Variants in ATP10B observed in about 807,000 individuals in gnomAD.
The protein encoded by ATP10B is phospholipid-transporting ATPase VB.
A neutral mutation model predicts 141.2 loss-of-function variants in ATP10B; 122 were observed. The ratio of observed to expected loss-of-function variants is 0.86; its 90% CI spans 0.75 to 1.00. The LOEUF (loss-of-function observed/expected upper bound fraction) is 1.00. ATP10B is among the 50% of genes least tolerant of loss of function. The probability of loss-of-function intolerance (pLI) is 0.00; values close to 1 mark genes in which losing one functional copy is unlikely to be tolerated. For synonymous variants in ATP10B, 685 were observed against 692.0 expected, an observed-to-expected ratio of 0.99 and a Z score of 0.16; for missense variants, 1,876 against 1,825.3, an observed-to-expected ratio of 1.03 and a Z score of -0.51.
At chr5:160,593,007 C>T (rs1316812372) in intron 22 of ATP10B, among the ~76,000 whole-genome samples, 1 of 152,250 alleles carries the variant, frequency 6.6e-6, no homozygotes, top group East Asian at 1.9e-4. Context: ...AACAAAAAGA[C>T]AGCAGTAACC....
chr5:160,730,979 T>C (rs1766696649), intron 2 of ATP10B, among the ~76,000 whole-genome samples: 1 of 152,214 alleles, frequency 6.6e-6, no homozygotes. Flanking sequence ...TCAGCCATTC[T>C]CTGGGTTCTC....
At chr5:160,761,382 AG>A (rs1769024055) in intron 2 of ATP10B, among the ~76,000 whole-genome samples, 3 of 145,570 alleles carry the variant, frequency 2.1e-5, no homozygotes, top group Non-Finnish European at 4.5e-5. Flanking sequence ...GACTCTTTGT[AG>A]ACATTCGCCA....
At position 160,620,956 on chromosome 5, in the gene ATP10B, G is replaced by A. The variant is rs746067222; in HGVS notation, c.1813-6C>T. 1.2e-6 allele frequency: 2 copies of A among 1,601,950 alleles called. No homozygotes were observed. The highest frequency in any genetic ancestry group is 3.4e-5 in the Admixed American group (2 of 58,334). On this transcript the variant is annotated splice_region_variant and splice_polypyrimidine_tract_variant and intron_variant, in intron 14 of 25. Coordinates refer to ENST00000327245, the MANE Select transcript of ATP10B (RefSeq NM_025153.3). Reference sequence around the variant, plus strand: ...CTTGAGGGTTTGATGGTGACCTTGTGGCCAAAGAAGGAAAGTGGAATATTA... The same window carrying A: ...CTTGAGGGTTTGATGGTGACCTTGTAGCCAAAGAAGGAAAGTGGAATATTA...
At chr5:160,918,504 C>T in the ATP10B span, among the ~76,000 whole-genome samples, 1 of 152,134 alleles carries the variant, frequency 6.6e-6, no homozygotes, top group Non-Finnish European at 1.5e-5. Flanking sequence ...TGATATTCAC[C>T]ATGATATTCA....
rs975652246 is a variant in ATP10B, at chr5:160,563,522, A to G, written c.*1931T>C. The G allele has an allele frequency of 2.0e-5, 3 of 152,188 alleles. No individual in the cohort carries two copies. The highest frequency in any genetic ancestry group is 7.2e-5 in the African/African-American group (3 of 41,458). The allele number at this position is 152,188 out of a possible 1,614,324, so 9.4% of individuals were successfully genotyped here. The stretch of plus-strand genomic sequence containing the variant: ...TTTTCCCTTTAGCTGTGAAATAAAA[A>G]TCCCTTTTGTTATTACTGAGGGTGT... On this transcript the variant is annotated 3_prime_UTR_variant, in exon 26 of 26. Coordinates refer to ENST00000327245, the MANE Select transcript of ATP10B (RefSeq NM_025153.3).
intron 6 of ATP10B, 24 bp downstream of exon 6, chr5:160,686,055 G>C (rs1271940707): frequency 6.6e-7 from 1 of 1,519,596 alleles, no homozygotes; most frequent in East Asian, 2.3e-5. Context: ...TTGCAAGAGA[G>C]AACACAGGGA....
chr5:160,652,889 T>TTATATAATATATAATATATTGTA (rs1431515865), intron 7 of ATP10B, among the ~76,000 whole-genome samples: 2 of 32,408 alleles, frequency 6.2e-5, no homozygotes, highest in African/African-American at 2.6e-4. Context: ...ATATATATAA[T>TTATATAATATATAATATATTGTA]TATATAATAT....
intron 2 of ATP10B, among the ~76,000 whole-genome samples, chr5:160,732,340 G>A (rs1766807096): frequency 6.6e-6 from 1 of 152,198 alleles, no homozygotes; most frequent in Non-Finnish European, 1.5e-5. Context: ...TTTGTTGGTT[G>A]TGCTTTTGAA....
At chr5:160,624,741 C>A (rs982309002) in intron 13 of ATP10B, among the ~76,000 whole-genome samples, 1 of 152,140 alleles carries the variant, frequency 6.6e-6, no homozygotes, top group Non-Finnish European at 1.5e-5. Flanking sequence ...AAATGAATCC[C>A]GACTTAACTA....
At chr5:160,734,267 C>T (rs945437054) in intron 2 of ATP10B, among the ~76,000 whole-genome samples, 1 of 152,040 alleles carries the variant, frequency 6.6e-6, no homozygotes, top group African/African-American at 2.4e-5. Context: ...CAGATGGAAA[C>T]TCTTTATTCC....
chr5:160,910,188 A>G, the ATP10B span, among the ~76,000 whole-genome samples: 1 of 151,588 alleles, frequency 6.6e-6, no homozygotes, highest in Non-Finnish European at 1.5e-5. Context: ...TGCTCTCATT[A>G]TTTCCTGAGT....
chr5:160,698,236 A>T (rs1032726149), intron 3 of ATP10B, among the ~76,000 whole-genome samples: 6 of 152,250 alleles, frequency 3.9e-5, no homozygotes, highest in African/African-American at 1.4e-4. Context: ...ATCTCTGTTT[A>T]CCTTAATGAC....
intron 1 of ATP10B, among the ~76,000 whole-genome samples, chr5:160,815,964 T>C (rs4263536): frequency 0.33 from 49,285 of 149,776 alleles, 9,253 homozygotes; most frequent in East Asian, 0.44. Flanking sequence ...TTGAAACCAG[T>C]GAGAACAAAG....
intron 6 of ATP10B, 37 bp from the exon 7 acceptor site, chr5:160,670,704 A>C (rs1485414016): frequency 6.3e-7 from 1 of 1,578,936 alleles, no homozygotes; most frequent in East Asian, 2.2e-5. Flanking sequence ...AGTGAGCTTT[A>C]AGTTTCCTCA....
Position 160,670,453 on chromosome 5 carries a change from A to G in ATP10B, c.675+10T>C. 6.2e-7 allele frequency: 1 copy of G among 1,613,770 alleles called. No homozygotes were observed. On this transcript the variant is annotated intron_variant, in intron 7 of 25. Transcript: ENST00000327245. ...GACTTTACCATTGAAGATATTAGAA[A>G]GAGCCCTACCTGCTGTGAGAAGCCC...
Position 160,684,985 on chromosome 5 carries a change from A to G in ATP10B, c.470+1094T>C, listed in dbSNP as rs759801676. On this transcript the variant is annotated intron_variant, in intron 6 of 25. Coordinates refer to ENST00000327245, the MANE Select transcript of ATP10B (RefSeq NM_025153.3). ...AGGCTGGAAAGCATTGACCACAGGGATAAAATTCAGAACCGCAATGCCCAC... is the reference window on the plus strand; with the variant it reads ...AGGCTGGAAAGCATTGACCACAGGGGTAAAATTCAGAACCGCAATGCCCAC... 4.4e-5 allele frequency: 31 copies of G among 703,246 alleles called. No individual in the cohort carries two copies. The African/African-American group carries it at 5.2e-4, about 12-fold the overall frequency. 43.6% of individuals were successfully genotyped at this position (703,246 alleles called of 1,614,324 possible). A position where few individuals can be genotyped will look rare whatever the true frequency, so the allele number is the denominator to read the frequency against.
At chr5:160,652,383 A>C (rs1271065843) in intron 7 of ATP10B, among the ~76,000 whole-genome samples, 2 of 151,774 alleles carry the variant, frequency 1.3e-5, no homozygotes, top group African/African-American at 2.4e-5. Context: ...CTGCTGGGCC[A>C]GCTCAAGACA....
the ATP10B span, among the ~76,000 whole-genome samples, chr5:160,862,971 A>T: frequency 6.6e-6 from 1 of 151,998 alleles, no homozygotes; most frequent in Non-Finnish European, 1.5e-5. Context: ...CAAAAGAAAC[A>T]TAGTGCTTTC....
At chr5:160,800,962 G>A (rs996383777) in intron 1 of ATP10B, among the ~76,000 whole-genome samples, 1 of 152,158 alleles carries the variant, frequency 6.6e-6, no homozygotes, top group East Asian at 1.9e-4. Flanking sequence ...GGTTTGTAAT[G>A]TACTGTTTGC....
Sources: allele counts gnomAD v4.1 joint callset (sites outside exome capture counted in the v4.1 genomes callset), GRCh38; gene constraint gnomAD v4.1.1; transcripts MANE v1.5; gene names NCBI Gene and HGNC (gene_info 2026-07-23, HGNC 2026-07-21).